SH2D4B: variants seen among roughly 807,000 people sequenced by gnomAD.
SH2D4B encodes SH2 domain-containing protein 4B.
In SH2D4B, 45 loss-of-function variants were observed where a neutral mutation model predicts 61.5. The observed-to-expected ratio is 0.73, with a 90% confidence interval of 0.58 to 0.94. The LOEUF is 0.94. Among genes scored for constraint, SH2D4B ranks in the 40% least tolerant of loss-of-function variants. SH2D4B has a pLI of 0.00. For missense variants in SH2D4B, 572 were observed against 574.2 expected, an observed-to-expected ratio of 1.00 and a Z score of 0.04; for synonymous variants, 224 against 220.4, an observed-to-expected ratio of 1.02 and a Z score of -0.14.
At chr10:80,609,319 T>G in intron 5 of SH2D4B, 105 bp from the exon 6 acceptor site, 1 of 696,082 alleles carries the variant, frequency 1.4e-6, no homozygotes, top group Non-Finnish European at 2.1e-6. Context: ...CTCCTCCTCC[T>G]TTTACCTTCC....
chr10:80,568,770 G>A (rs1048629064), intron 1 of SH2D4B, among the ~76,000 whole-genome samples: 6 of 152,154 alleles, frequency 3.9e-5, no homozygotes, highest in Non-Finnish European at 8.8e-5. Context: ...AGCTTGCAAA[G>A]CACTCAGTTC....
chr10:80,541,601 G>T (rs1002122666), intron 1 of SH2D4B, among the ~76,000 whole-genome samples: 1 of 152,136 alleles, frequency 6.6e-6, no homozygotes, highest in Non-Finnish European at 1.5e-5. Flanking sequence ...CCTCTTTTCT[G>T]GGAACATTCC....
chr10:80,546,675 A>G (rs1340279965), intron 1 of SH2D4B, among the ~76,000 whole-genome samples: 1 of 151,628 alleles, frequency 6.6e-6, no homozygotes, highest in Non-Finnish European at 1.5e-5. Flanking sequence ...ACAGGCGCCC[A>G]CCACCGCGCC....
At chr10:80,629,036 A>AAAAAAAAAAAAAAAG (rs142895629) in intron 6 of SH2D4B, among the ~76,000 whole-genome samples, 4 of 144,874 alleles carry the variant, frequency 2.8e-5, no homozygotes, top group African/African-American at 5.3e-5. Flanking sequence ...TCTCAAAAAA[A>AAAAAAAAAAAAAAAG]AAAAAGAAAA....
chr10:80,586,364 TTA>T (rs1842248517), intron 3 of SH2D4B, among the ~76,000 whole-genome samples: 1 of 152,048 alleles, frequency 6.6e-6, no homozygotes, highest in Non-Finnish European at 1.5e-5. Context: ...TGGAGAACCT[TTA>T]TGTCTAGCTA....
chr10:80,616,616 C>T (rs1043763807), intron 6 of SH2D4B, among the ~76,000 whole-genome samples: 4 of 152,130 alleles, frequency 2.6e-5, no homozygotes, highest in African/African-American at 7.2e-5. Flanking sequence ...GTCTGGTGCA[C>T]GAAGGTACCT....
intron 3 of SH2D4B, among the ~76,000 whole-genome samples, chr10:80,572,988 T>A (rs11186115): frequency 0.027 from 290 of 10,880 alleles, no homozygotes; most frequent in Non-Finnish European, 0.04. Context: ...ATATATATAT[T>A]TTTTTTTTTT....
chr10:80,630,201 C>T (rs1198034636), intron 6 of SH2D4B, among the ~76,000 whole-genome samples: 1 of 152,210 alleles, frequency 6.6e-6, no homozygotes, highest in Non-Finnish European at 1.5e-5. Flanking sequence ...AGAGCAAAGA[C>T]TGCCTGCTAG....
chr10:80,604,197 T>C (rs1168059207), intron 5 of SH2D4B, among the ~76,000 whole-genome samples: 1 of 152,236 alleles, frequency 6.6e-6, no homozygotes, highest in Non-Finnish European at 1.5e-5. Context: ...ACACCAGGGC[T>C]TGCTGCCTGT....
chr10:80,611,556 G>A (rs11186273), intron 6 of SH2D4B, among the ~76,000 whole-genome samples: 55,344 of 151,932 alleles, frequency 0.36, 10,343 homozygotes, highest in East Asian at 0.57. Context: ...ATGTGTCCCT[G>A]TAGCCCCGGT....
rs538938101 is a variant in SH2D4B, at chr10:80,637,844, G to A, written c.1209+3339G>A. Among the ~76,000 whole-genome samples, 5 of 152,334 alleles carry A rather than the reference G, an allele frequency of 3.3e-5. No homozygotes were observed. In the South Asian group the frequency reaches 1.0e-3, roughly 32 times the overall value. ...TATATTGAATTGTAGTGGTGAGAGA[G>A]GGCATCCCTGTTTTGTGCCAGTTTT... On this transcript the variant is annotated intron_variant, in intron 7 of 7. Coordinates refer to ENST00000646907, the MANE Select transcript of SH2D4B (RefSeq NM_001388272.1).
Position 80,609,541 on chromosome 10 carries a change from C to G in SH2D4B, c.978C>G (p.Pro326=). 1 of 1,614,242 alleles carries G rather than the reference C, an allele frequency of 6.2e-7. No homozygotes were observed. Among genetic ancestry groups the G allele is most frequent in the Non-Finnish European group, 8.5e-7 (1 of 1,180,040 alleles). Residue 326 remains proline, a synonymous_variant, in exon 6 of 8, where the codon CCC becomes CCG. Transcript: ENST00000646907. ...AGAGGAACACCAAGTTCATCGCCCC[C>G]TGGTTCCATGGTAGCACCATTTTTC... ...GFERNTKFIA[P]WFHGIISRED...
At position 80,538,167 on chromosome 10, in the gene SH2D4B, C is replaced by T. The variant is rs565547973; in HGVS notation, c.-165C>T. On this transcript the variant is annotated 5_prime_UTR_variant, in exon 1 of 8. Transcript: ENST00000646907. The surrounding 1 kb of genome is among the most constrained non-coding windows in gnomAD (Gnocchi z 4.8). ...TCCTGGGTAGAGGAGATGAGTTCGTCGCTGGCTGCAAGCTGAGGCCAACTG... is the reference window on the plus strand; with the variant it reads ...TCCTGGGTAGAGGAGATGAGTTCGTTGCTGGCTGCAAGCTGAGGCCAACTG... The T allele has an allele frequency of 9.0e-5, 44 of 488,864 alleles. No homozygotes were observed. Among genetic ancestry groups the T allele is most frequent in the Non-Finnish European group, 1.4e-4 (43 of 308,206 alleles). The allele number at this position is 488,864 out of a possible 1,614,324, so 30.3% of individuals were successfully genotyped here.
intron 1 of SH2D4B, among the ~76,000 whole-genome samples, chr10:80,552,846 C>A (rs926346554): frequency 1.3e-5 from 2 of 152,100 alleles, no homozygotes; most frequent in Non-Finnish European, 2.9e-5. Context: ...AATTACATAA[C>A]CCTAGGCTTT....
intron 5 of SH2D4B, among the ~76,000 whole-genome samples, chr10:80,608,346 C>T (rs1842545388): frequency 6.6e-6 from 1 of 151,974 alleles, no homozygotes. Context: ...GCAGATCAGG[C>T]CAGACTGGTC....
chr10:80,562,931 T>A (rs1360953927), intron 1 of SH2D4B, among the ~76,000 whole-genome samples: 2 of 128,232 alleles, frequency 1.6e-5, no homozygotes, highest in Non-Finnish European at 3.2e-5. Context: ...AGACGGAGTC[T>A]CGCTCTGTCG....
intron 1 of SH2D4B, among the ~76,000 whole-genome samples, chr10:80,552,828 C>A (rs763230185): frequency 6.6e-6 from 1 of 152,158 alleles, no homozygotes; most frequent in Non-Finnish European, 1.5e-5. Flanking sequence ...TACCCCATGT[C>A]GTGTTAGAAT....
intron 1 of SH2D4B, among the ~76,000 whole-genome samples, chr10:80,566,268 A>G (rs1344907920): frequency 1.3e-5 from 2 of 151,318 alleles, no homozygotes; most frequent in African/African-American, 4.9e-5. Flanking sequence ...CAATGAGAAT[A>G]ATATTACCTG....
At chr10:80,603,159 G>T (rs1842471176) in intron 4 of SH2D4B, among the ~76,000 whole-genome samples, 1 of 152,104 alleles carries the variant, frequency 6.6e-6, no homozygotes, top group Non-Finnish European at 1.5e-5. Context: ...CACCTTGACG[G>T]GTGAGCTGAG....
Sources: allele counts gnomAD v4.1 joint callset (sites outside exome capture counted in the v4.1 genomes callset), GRCh38; gene constraint gnomAD v4.1.1; non-coding constraint Gnocchi (gnomAD v3.1); transcripts MANE v1.5; gene names NCBI Gene and HGNC (gene_info 2026-07-23, HGNC 2026-07-21).